CROCC: variants seen among roughly 807,000 people sequenced by gnomAD.
CROCC encodes ciliary rootlet coiled-coil, rootletin.
A neutral mutation model predicts 245.2 loss-of-function variants in CROCC; 180 were observed. The ratio of observed to expected loss-of-function variants is 0.73; its 90% confidence interval spans 0.65 to 0.83. The LOEUF is 0.83. Ranked by LOEUF, CROCC falls within the 40% of genes least tolerant of loss-of-function variation. The pLI is 0.00. For synonymous variants in CROCC, 1,205 were observed against 1,241.6 expected, an observed-to-expected ratio of 0.97 and a Z score of 0.62; for missense variants, 2,688 against 2,779.4, an observed-to-expected ratio of 0.97 and a Z score of 0.74.
intron 24 of CROCC, 97 bp downstream of exon 24, chr1:16,955,647 C>G: frequency 9.0e-7 from 1 of 1,107,470 alleles, no homozygotes; most frequent in Non-Finnish European, 1.3e-6. Flanking sequence ...TGCCCAGATA[C>G]GGATCCTCTG....
At chr1:16,940,115 G>T (rs1479882834) in intron 13 of CROCC, 22 bp downstream of exon 13, 3 of 1,557,382 alleles carry the variant, frequency 1.9e-6, no homozygotes, top group Non-Finnish European at 1.7e-6. Context: ...GTCTGAGCTG[G>T]GGGGTACTGA....
chr1:16,965,322 C>A (rs561592827), intron 27 of CROCC, among the ~76,000 whole-genome samples: 1 of 152,322 alleles, frequency 6.6e-6, no homozygotes, highest in African/African-American at 2.4e-5. Context: ...GCCCAGCCCT[C>A]ATGGTGCTCC....
chr1:16,965,730 G>A lies in CROCC; in HGVS notation c.4413G>A (p.Gly1471=). 6.2e-7 allele frequency: 1 copy of A among 1,608,730 alleles called. No individual in the cohort carries two copies. Among genetic ancestry groups the A allele is most frequent in the Non-Finnish European group, 8.5e-7 (1 of 1,175,632 alleles). The change falls in exon 28 of 37, where the codon GGG becomes GGA. Residue 1471 remains glycine, a synonymous_variant. Transcript: ENST00000375541. ...GTCTTCTTTCTCTTCTAGGAAGCGG[G>A]GAAGGGCTCAACAGCCCCAGCACCT... ...PARDAPAEGS[G]EGLNSPSTLE...
At position 16,939,034 on chromosome 1, in the gene CROCC, G is replaced by A. The variant is rs769078522; in HGVS notation, c.1500G>A (p.Ser500=). ...QRTPSPPRRS[S]PGRGRSPRRG... is the part of the protein sequence containing the mutation. The stretch of plus-strand genomic sequence containing the variant: ...CCCCGTCCCCACCGCGGCGCTCCTC[G>A]CCCGGCCGAGGCCGTTCACCCCGCC... Residue 500 remains serine (S), a synonymous_variant, in exon 12 of 37, where the codon TCG becomes TCA. Transcript: ENST00000375541. 1.1e-5 allele frequency: 17 copies of A among 1,594,170 alleles called. No homozygotes were observed. In the Admixed American group the frequency reaches 2.6e-4, roughly 25 times the overall value.
chr1:16,940,902 C>A, intron 13 of CROCC: 1 of 424,470 alleles, frequency 2.4e-6, no homozygotes, highest in South Asian at 1.7e-5. Flanking sequence ...GATATGGGAC[C>A]GAAGCCTGAG....
Position 16,972,587 on chromosome 1 carries a change from G to A in CROCC, c.*141G>A. ...GAGGAGGCGCTCTGCTGGCAGTGCT[G>A]AGGACGGGTACTCCAGCTCCAGGCC... On this transcript the variant is annotated 3_prime_UTR_variant, in exon 37 of 37. Coordinates refer to ENST00000375541, the MANE Select transcript of CROCC (RefSeq NM_014675.5). The A allele has an allele frequency of 1.7e-6, 1 of 581,412 alleles. No individual in the cohort carries two copies. The highest frequency in any genetic ancestry group is 3.0e-6 in the Non-Finnish European group (1 of 329,592). 36.0% of individuals were successfully genotyped at this position (581,412 alleles called of 1,614,324 possible).
intron 13 of CROCC, among the ~76,000 whole-genome samples, chr1:16,942,092 C>T (rs1167538921): frequency 1.3e-5 from 2 of 152,250 alleles, no homozygotes; most frequent in Admixed American, 1.3e-4. Flanking sequence ...TTCACTGCAA[C>T]CTCCACCTCC....
intron 13 of CROCC, among the ~76,000 whole-genome samples, chr1:16,942,242 C>G (rs1234008319): frequency 6.6e-6 from 1 of 152,258 alleles, no homozygotes; most frequent in Non-Finnish European, 1.5e-5. Context: ...AACTCCTGAG[C>G]CCGTCTCGGC....
intron 7 of CROCC, among the ~76,000 whole-genome samples, chr1:16,930,859 G>T (rs9435712): frequency 1.3e-5 from 2 of 152,238 alleles, no homozygotes; most frequent in Admixed American, 6.5e-5. Context: ...GGTTAAGGCC[G>T]GTCGCAGTGG....
chr1:16,927,774 T>C (rs1441127537), intron 3 of CROCC, among the ~76,000 whole-genome samples: 4 of 152,260 alleles, frequency 2.6e-5, no homozygotes, highest in Admixed American at 1.3e-4. Flanking sequence ...TTGACCTCAG[T>C]GGGCTTGGCA....
chr1:16,939,224 G>GGGCGGA, intron 12 of CROCC, 82 bp downstream of exon 12: 1 of 1,205,788 alleles, frequency 8.3e-7, no homozygotes, highest in Non-Finnish European at 1.1e-6. Flanking sequence ...GCGGGGGCGG[G>GGGCGGA]GGCAGGTCCG....
In CROCC at chr1:16,966,607, A is replaced by C; in HGVS notation, c.4860+36A>C. 1 of 1,448,884 alleles carries C rather than the reference A, an allele frequency of 6.9e-7. No homozygotes were observed. Among genetic ancestry groups the C allele is most frequent in the Non-Finnish European group, 9.1e-7 (1 of 1,103,664 alleles). The allele number at this position is 1,448,884 out of a possible 1,614,324, so 89.8% of individuals were successfully genotyped here. A position where few individuals can be genotyped will look rare whatever the true frequency, so the allele number is the denominator to read the frequency against. ...GCTGAGGGCCAGCGGGGCGACGGGG[A>C]ATCTGTGTACCCGAGTGAGTGTCTA... On this transcript the variant is annotated intron_variant, in intron 30 of 36. Transcript: ENST00000375541. The surrounding 1 kb of genome is among the most constrained non-coding windows in gnomAD (Gnocchi z 4.8).
Position 16,969,765 on chromosome 1 carries a change from C to A in CROCC, c.5302-20C>A. The A allele has an allele frequency of 6.2e-7, 1 of 1,607,310 alleles. No homozygotes were observed. The highest frequency in any genetic ancestry group is 1.7e-5 in the Admixed American group (1 of 59,282). On this transcript the variant is annotated intron_variant, in intron 32 of 36. Transcript: ENST00000375541. ...TAGGGCTCCCAGGCCAGCCAGGCAC[C>A]ATCAGCCCCTGTCCCCCAGGAACGG...
intron 17 of CROCC, among the ~76,000 whole-genome samples, chr1:16,947,912 C>T (rs1395111691): frequency 1.3e-5 from 2 of 152,216 alleles, no homozygotes; most frequent in Admixed American, 1.3e-4. Flanking sequence ...GATCTGGGCT[C>T]ACTGCAACCT....
chr1:16,962,344 G>T (rs2076346375), intron 27 of CROCC, among the ~76,000 whole-genome samples: 1 of 150,316 alleles, frequency 6.7e-6, no homozygotes, highest in Admixed American at 6.6e-5. Context: ...AGGAGATCGA[G>T]ACCACAGTGA....
At chr1:16,926,363 G>A (rs1383596098) in intron 3 of CROCC, among the ~76,000 whole-genome samples, 1 of 152,244 alleles carries the variant, frequency 6.6e-6, no homozygotes, top group Non-Finnish European at 1.5e-5. Flanking sequence ...GGTGGTCCTG[G>A]GATGAGACCC....
At position 16,955,907 on chromosome 1, in the gene CROCC, C is replaced by G. The variant is rs544777730; in HGVS notation, c.3705-90C>G. 77 of 1,473,702 alleles carry G rather than the reference C, an allele frequency of 5.2e-5. No homozygotes were observed. In the East Asian group the frequency reaches 1.8e-3, roughly 34 times the overall value. 91.3% of individuals were successfully genotyped at this position (1,473,702 alleles called of 1,614,324 possible). A position where few individuals can be genotyped will look rare whatever the true frequency, so the allele number is the denominator to read the frequency against. ...GCCACATGGGCAGGCAGTGCCTGAT[C>G]CACTCCAGAAATTGGAGGAGACGGC... On this transcript the variant is annotated intron_variant, in intron 24 of 36. Transcript: ENST00000375541.
Position 16,972,610 on chromosome 1 carries a change from G to T in CROCC, c.*164G>T. ...CTGAGGACGGGTACTCCAGCTCCAGGCCTGGAGAGGCTTCCCAGCAACACC... is the reference window on the plus strand; with the variant it reads ...CTGAGGACGGGTACTCCAGCTCCAGTCCTGGAGAGGCTTCCCAGCAACACC... On this transcript the variant is annotated 3_prime_UTR_variant, in exon 37 of 37. Coordinates refer to ENST00000375541, the MANE Select transcript of CROCC (RefSeq NM_014675.5). The T allele has an allele frequency of 1.8e-6, 1 of 547,134 alleles. No homozygotes were observed. The highest frequency in any genetic ancestry group is 2.6e-5 in the South Asian group (1 of 38,602). The allele number at this position is 547,134 out of a possible 1,614,324, so 33.9% of individuals were successfully genotyped here.
At chr1:16,971,207 CTGAGTGTG>C (rs1557648752) in intron 35 of CROCC, among the ~76,000 whole-genome samples, 1 of 115,408 alleles carries the variant, frequency 8.7e-6, no homozygotes, top group Non-Finnish European at 1.8e-5. Context: ...TGTATGATGT[CTGAGTGTG>C]TGTGTGTGTG....
Sources: gnomAD v4.1 joint callset for allele counts (sites outside exome capture counted in the v4.1 genomes callset) on GRCh38, gnomAD v4.1.1 for gene constraint, Gnocchi (gnomAD v3.1) non-coding constraint, MANE v1.5 for transcripts, NCBI Gene and HGNC (gene_info 2026-07-23, HGNC 2026-07-21) for gene names.